Variants in TRMT1L observed in about 807,000 individuals in gnomAD.
The protein encoded by TRMT1L is tRNA methyltransferase 1L.
TRMT1L carries 28 observed loss-of-function variants against 81.6 expected under a neutral mutation model. That is an observed-to-expected ratio of 0.34 (90% CI 0.25 to 0.47). The LOEUF (loss-of-function observed/expected upper bound fraction) is 0.47. Ranked by LOEUF, TRMT1L falls within the 20% of genes least tolerant of loss-of-function variation. The pLI is 1.00. For synonymous variants in TRMT1L, 301 were observed against 303.2 expected, an observed-to-expected ratio of 0.99 and a Z score of 0.07; for missense variants, 739 against 877.1, an observed-to-expected ratio of 0.84 and a Z score of 1.99.
rs79704999 is a variant in TRMT1L, at chr1:185,138,358, A to G, written c.1323-562T>C. 9.1e-3 allele frequency among the ~76,000 whole-genome samples: 1,383 copies of G among 152,296 alleles called. 18 individuals are homozygous for G. The highest frequency in any genetic ancestry group is 0.032 in the African/African-American group (1,321 of 41,558). ...ACTCTGAATTTGCTGATATTACATT[A>G]TAGACATTTTTAAGTATGTGCAGTT... On this transcript the variant is annotated intron_variant, in intron 9 of 14. Transcript: ENST00000367506.
Position 185,150,495 on chromosome 1 carries a change from T to G in TRMT1L, c.347-3A>C. The G allele has an allele frequency of 6.3e-7, 1 of 1,599,888 alleles. No individual in the cohort carries two copies. Among genetic ancestry groups the G allele is most frequent in the Non-Finnish European group, 8.6e-7 (1 of 1,168,696 alleles). On this transcript the variant is annotated splice_polypyrimidine_tract_variant and splice_region_variant and intron_variant, in intron 2 of 14. Coordinates refer to ENST00000367506, the MANE Select transcript of TRMT1L (RefSeq NM_030934.5). ...CAATGGACAAGCCTGTCTGTTGCCTTAAAAAGAAAAAAGAATCAATAAACA... is the reference window on the plus strand; with the variant it reads ...CAATGGACAAGCCTGTCTGTTGCCTGAAAAAGAAAAAAGAATCAATAAACA...
intron 11 of TRMT1L, among the ~76,000 whole-genome samples, chr1:185,127,409 A>G (rs754449270): frequency 6.6e-6 from 1 of 152,204 alleles, no homozygotes; most frequent in Non-Finnish European, 1.5e-5. Context: ...CTTATAAAGT[A>G]ATGAGAAGAA....
chr1:185,139,600 G>C lies in TRMT1L; in HGVS notation c.1110-21C>G, dbSNP rs1050107968. ...GATGTCTAAAATCAGAAAGAATATA[G>C]ACATTTTAAAGTCATATTAGTAACA... On this transcript the variant is annotated intron_variant, in intron 8 of 14. Transcript: ENST00000367506. 4 of 1,561,696 alleles carry C rather than the reference G, an allele frequency of 2.6e-6. No individual in the cohort carries two copies. The African/African-American group carries it at 5.5e-5, about 21-fold the overall frequency.
intron 2 of TRMT1L, 147 bp downstream of exon 2, chr1:185,151,678 A>G: frequency 4.2e-6 from 2 of 475,138 alleles, no homozygotes; most frequent in Non-Finnish European, 7.3e-6. Context: ...AGCGGTTGCC[A>G]ATTTCCTGAA....
intron 3 of TRMT1L, among the ~76,000 whole-genome samples, chr1:185,149,861 G>GA (rs1457013043): frequency 1.3e-5 from 2 of 150,718 alleles, no homozygotes; most frequent in African/African-American, 4.9e-5. Context: ...TTTTTATCAT[G>GA]ATTATAATTG....
intron 6 of TRMT1L, 69 bp from the exon 7 acceptor site, chr1:185,143,505 G>T: frequency 2.1e-6 from 3 of 1,419,126 alleles, no homozygotes; most frequent in South Asian, 1.3e-5. Context: ...TTTCATTTAA[G>T]AATAGTGAAC....
intron 5 of TRMT1L, among the ~76,000 whole-genome samples, chr1:185,145,233 C>T (rs538957529): frequency 2.6e-5 from 4 of 151,930 alleles, no homozygotes; most frequent in African/African-American, 9.6e-5. Flanking sequence ...CTTTTTTCTA[C>T]ACCATTTATT....
intron 1 of TRMT1L, among the ~76,000 whole-genome samples, chr1:185,152,154 A>G (rs1458109842): frequency 2.6e-5 from 4 of 152,232 alleles, no homozygotes; most frequent in Non-Finnish European, 4.4e-5. Context: ...ATTTTATCTA[A>G]TTAGTCAAAA....
intron 3 of TRMT1L, among the ~76,000 whole-genome samples, chr1:185,147,632 C>T (rs1241404657): frequency 6.6e-6 from 1 of 152,028 alleles, no homozygotes; most frequent in East Asian, 1.9e-4. Flanking sequence ...TATACAGACC[C>T]TTCTTCATCT....
At position 185,153,095 on chromosome 1, in the gene TRMT1L, A is replaced by C. The variant is rs577165611; in HGVS notation, c.236-1160T>G. Among the ~76,000 whole-genome samples, 36 of 152,348 alleles carry C rather than the reference A, an allele frequency of 2.4e-4. No homozygotes were observed. The South Asian group carries it at 7.5e-3, about 32-fold the overall frequency. ...ACTAGGCTATGTAAAATTAATTTTA[A>C]AATGTGATTTATATTTTAATTCTAA... On this transcript the variant is annotated intron_variant, in intron 1 of 14. Transcript: ENST00000367506.
Position 185,125,117 on chromosome 1 carries a change from A to C in TRMT1L, c.1593-7T>G. 6.3e-7 allele frequency: 1 copy of C among 1,599,814 alleles called. No individual in the cohort carries two copies. The highest frequency in any genetic ancestry group is 8.5e-7 in the Non-Finnish European group (1 of 1,173,480). On this transcript the variant is annotated splice_region_variant and splice_polypyrimidine_tract_variant and intron_variant, in intron 11 of 14. Coordinates refer to ENST00000367506, the MANE Select transcript of TRMT1L (RefSeq NM_030934.5). ...ATTGAAAAGGGAACTTGACCTGAAA[A>C]GAAAAGAATATACAGAGAACTGGGT...
In TRMT1L at chr1:185,144,045, GA is replaced by G; in HGVS notation, c.656-17del. ...GCAGTGGAAGCTAAGATGGAAAAAA[GA>G]AAAGATTTCCAGGGAAACACAAAAT... On this transcript the variant is annotated splice_polypyrimidine_tract_variant and intron_variant, in intron 5 of 14. Transcript: ENST00000367506. 6.4e-7 allele frequency: 1 copy of G among 1,552,112 alleles called. No individual in the cohort carries two copies. The highest frequency in any genetic ancestry group is 8.7e-7 in the Non-Finnish European group (1 of 1,153,066).
chr1:185,128,775 C>T (rs1374802305), intron 10 of TRMT1L, 28 bp from the exon 11 acceptor site: 3 of 1,565,226 alleles, frequency 1.9e-6, no homozygotes, highest in Non-Finnish European at 2.6e-6. Flanking sequence ...AAGGAGAAAT[C>T]AAAGGAGAAA....
At chr1:185,129,841 G>GTA (rs1652726698) in intron 10 of TRMT1L, among the ~76,000 whole-genome samples, 2 of 108,586 alleles carry the variant, frequency 1.8e-5, no homozygotes, top group East Asian at 4.7e-4. Context: ...TAGCACTGAC[G>GTA]TAAAGTTTTG....
At chr1:185,128,618 A>C (rs1012905376) in intron 11 of TRMT1L, 51 bp downstream of exon 11, 3 of 1,525,248 alleles carry the variant, frequency 2.0e-6, no homozygotes, top group African/African-American at 1.4e-5. Flanking sequence ...AGCAATTAAT[A>C]AATCAATCAA....
chr1:185,139,307 A>C, intron 9 of TRMT1L, 60 bp downstream of exon 9: 1 of 1,385,382 alleles, frequency 7.2e-7, no homozygotes, highest in South Asian at 1.3e-5. Context: ...ACTTCTTGTA[A>C]TATTATCTCT....
intron 10 of TRMT1L, among the ~76,000 whole-genome samples, chr1:185,135,710 C>T (rs6685215): frequency 7.1e-4 from 107 of 151,768 alleles, no homozygotes; most frequent in African/African-American, 2.5e-3. Context: ...TTTTTCAATT[C>T]CTAAGAATTG....
In TRMT1L at chr1:185,119,867, C is replaced by T; in HGVS notation, c.*152G>A. ...TTGGAAAGCAAAGCTCCCAAACCAG[C>T]TAAGTTAGAAACTGCTCAGTTTCTG... is the stretch of plus-strand genomic sequence containing the variant. On this transcript the variant is annotated 3_prime_UTR_variant, in exon 15 of 15. Transcript: ENST00000367506. 2.1e-6 allele frequency: 2 copies of T among 963,764 alleles called. No individual in the cohort carries two copies. Among genetic ancestry groups the T allele is most frequent in the South Asian group, 5.5e-5 (2 of 36,346 alleles). 59.7% of individuals were successfully genotyped at this position (963,764 alleles called of 1,614,324 possible). A position where few individuals can be genotyped will look rare whatever the true frequency, so the allele number is the denominator to read the frequency against.
At position 185,128,535 on chromosome 1, in the gene TRMT1L, GAA is replaced by G. The variant is rs1385698636; in HGVS notation, c.1592+132_1592+133del. ...TAAACACCTCAGGTTCATAGGAGGA[GAA>G]GAGTCATAATTATTTGCCTAGACTT... On this transcript the variant is annotated intron_variant, in intron 11 of 14. Transcript: ENST00000367506. The G allele has an allele frequency of 1.0e-5, 8 of 783,480 alleles. No individual in the cohort carries two copies. In the South Asian group the frequency reaches 1.3e-4, roughly 12 times the overall value. 48.5% of individuals were successfully genotyped at this position (783,480 alleles called of 1,614,324 possible).
Sources: gnomAD v4.1 joint callset for allele counts (sites outside exome capture counted in the v4.1 genomes callset) on GRCh38, gnomAD v4.1.1 for gene constraint, MANE v1.5 for transcripts, NCBI Gene and HGNC (gene_info 2026-07-23, HGNC 2026-07-21) for gene names.